UNC80: variants seen among roughly 807,000 people sequenced by gnomAD.
UNC80 encodes the protein unc-80 subunit of NALCN channel complex, also known as protein unc-80 homolog.
A neutral mutation model predicts 384.6 loss-of-function variants in UNC80; 164 were observed. That is an observed-to-expected ratio of 0.43 (90% CI 0.38 to 0.49). The LOEUF is 0.49. Among genes scored for constraint, UNC80 ranks in the 20% least tolerant of loss-of-function variants. The pLI is 0.00. For missense variants in UNC80, 3,330 were observed against 4,143.0 expected (o/e 0.80, Z 5.39); for synonymous variants, 1,486 against 1,527.8 (o/e 0.97, Z 0.64).
intron 28 of UNC80, among the ~76,000 whole-genome samples, chr2:209,899,392 G>A (rs2087138980): frequency 6.6e-6 from 1 of 152,132 alleles, no homozygotes; most frequent in South Asian, 2.1e-4. Context: ...TAGTAGGAGA[G>A]GTTGTCATGT....
intron 7 of UNC80, among the ~76,000 whole-genome samples, chr2:209,807,598 C>G (rs1458850882): frequency 6.6e-6 from 1 of 151,954 alleles, no homozygotes; most frequent in African/African-American, 2.4e-5. Context: ...CTCCTGACCT[C>G]GTGATCCGCC....
intron 29 of UNC80, among the ~76,000 whole-genome samples, chr2:209,908,935 GC>G (rs2124936304): frequency 6.6e-6 from 1 of 152,236 alleles, no homozygotes; most frequent in East Asian, 1.9e-4. Context: ...TTCTCAGAGA[GC>G]CCAGTAGGCT....
Position 209,973,089 on chromosome 2 carries a change from G to A in UNC80, c.8406G>A (p.Glu2802=). The A allele has an allele frequency of 6.4e-7, 1 of 1,551,578 alleles. No individual in the cohort carries two copies. The highest frequency in any genetic ancestry group is 1.4e-5 in the African/African-American group (1 of 73,132). The change falls in exon 56 of 65, where the codon GAG becomes GAA. Residue 2802 remains glutamate (E), a synonymous_variant. Coordinates refer to ENST00000673920, the MANE Select transcript of UNC80 (RefSeq NM_001371986.1). ...ATAGCCCATGGCTGGAGCAGCCTGA[G>A]GTGCAGCTGCTGCTGCAGACAGTCA... The part of the protein sequence containing the change: ...SKDSPWLEQP[E]VQLLLQTVIN...
At chr2:209,889,911 A>C (rs1334093057) in intron 26 of UNC80, among the ~76,000 whole-genome samples, 1 of 152,126 alleles carries the variant, frequency 6.6e-6, no homozygotes, top group African/African-American at 2.4e-5. Flanking sequence ...AGGTTTCACC[A>C]CTTTAGCAAG....
chr2:209,886,010 G>A (rs981163660), intron 25 of UNC80, among the ~76,000 whole-genome samples: 1 of 151,966 alleles, frequency 6.6e-6, no homozygotes, highest in Non-Finnish European at 1.5e-5. Flanking sequence ...TGATCGGCCT[G>A]CCTTGGCCTC....
In UNC80 at chr2:209,995,469, T is replaced by C. The variant is rs1339626779; in HGVS notation, c.9849T>C (p.His3283=). 5.8e-6 allele frequency: 9 copies of C among 1,551,862 alleles called. No individual in the cohort carries two copies. In the South Asian group the frequency reaches 8.3e-5, roughly 14 times the overall value. The change falls in exon 65 of 65, where the codon CAT becomes CAC. Residue 3283 remains histidine, a synonymous_variant. Transcript: ENST00000673920. ...TGLETSSLLQ[H]GDTVLHISEE... is the part of the protein sequence containing the mutation. The stretch of plus-strand genomic sequence containing the variant: ...TCGAGACATCCAGCCTCCTACAGCA[T>C]GGAGACACTGTCCTTCATATCAGTG...
chr2:209,845,763 AG>A (rs951258385), intron 21 of UNC80, among the ~76,000 whole-genome samples: 6 of 152,232 alleles, frequency 3.9e-5, no homozygotes, highest in African/African-American at 1.4e-4. Context: ...ATTATAAAAA[AG>A]ATATTCCTTT....
chr2:209,891,222 T>A (rs1040157803), intron 26 of UNC80, among the ~76,000 whole-genome samples: 11 of 152,150 alleles, frequency 7.2e-5, no homozygotes, highest in African/African-American at 2.7e-4. Flanking sequence ...ACAACATTTT[T>A]AAAATACAGA....
rs756716727 is a variant in UNC80 at position 209,994,066 on chromosome 2, G to C, written c.9510G>C (p.Ala3170=). 3 of 1,548,684 alleles carry C rather than the reference G, an allele frequency of 1.9e-6. No individual in the cohort carries two copies. The highest frequency in any genetic ancestry group is 2.6e-6 in the Non-Finnish European group (3 of 1,145,568). The change falls in exon 64 of 65, where the codon GCG becomes GCC. Residue 3170 remains alanine, a splice_region_variant and synonymous_variant. Coordinates refer to ENST00000673920, the MANE Select transcript of UNC80 (RefSeq NM_001371986.1). The part of the protein sequence containing the change: ...RSIQPKTKPS[A]DQKRSVTFIE... ...TTACTGTTTCACCTCTACCTGCAGC[G>C]GATCAGAAACGATCTGTGACCTTCA...
chr2:209,841,277 T>C (rs1337291975), intron 20 of UNC80, among the ~76,000 whole-genome samples: 1 of 152,218 alleles, frequency 6.6e-6, no homozygotes, highest in Admixed American at 6.5e-5. Flanking sequence ...TTGCATTCTT[T>C]TGTTTTCTAA....
At chr2:209,848,087 C>G (rs1184599009) in intron 21 of UNC80, among the ~76,000 whole-genome samples, 1 of 151,820 alleles carries the variant, frequency 6.6e-6, no homozygotes, top group African/African-American at 2.4e-5. Context: ...TAAAAAATAA[C>G]AGGAATTTAC....
chr2:209,931,694 C>T (rs2090888398), intron 38 of UNC80, among the ~76,000 whole-genome samples: 2 of 152,168 alleles, frequency 1.3e-5, no homozygotes, highest in East Asian at 1.9e-4. Context: ...ATATGCATCC[C>T]TAGCAGGGTG....
chr2:209,889,963 G>A (rs1314925403), intron 26 of UNC80, among the ~76,000 whole-genome samples: 3 of 151,914 alleles, frequency 2.0e-5, no homozygotes, highest in Non-Finnish European at 4.4e-5. Flanking sequence ...CACCTGCCTC[G>A]GCCTCCCAAC....
intron 52 of UNC80, chr2:209,968,983 G>A (rs956220702): frequency 6.6e-6 from 1 of 152,116 alleles, no homozygotes; most frequent in Non-Finnish European, 1.5e-5. Context: ...ATGTCACATA[G>A]CCTCATTTAT....
At chr2:209,971,129 G>T (rs558068215) in intron 54 of UNC80, among the ~76,000 whole-genome samples, 172 bp downstream of exon 54, 1 of 152,290 alleles carries the variant, frequency 6.6e-6, no homozygotes, top group South Asian at 2.1e-4. Context: ...GCCCTAAGTT[G>T]TGCTTCTGTA....
intron 47 of UNC80, among the ~76,000 whole-genome samples, chr2:209,948,362 T>A (rs1237809524): frequency 2.0e-5 from 3 of 152,164 alleles, no homozygotes; most frequent in African/African-American, 7.2e-5. Context: ...TTATTTTAGC[T>A]ATTTTGTTGG....
chr2:209,838,701 C>T (rs1032183449), intron 18 of UNC80, among the ~76,000 whole-genome samples: 53 of 152,196 alleles, frequency 3.5e-4, no homozygotes, highest in African/African-American at 1.0e-3. Flanking sequence ...GTGGCTCATG[C>T]CTGTAATCCC....
At position 209,970,815 on chromosome 2, in the gene UNC80, C is replaced by T. The variant is rs2092863356; in HGVS notation, c.8131-17C>T. The T allele has an allele frequency of 6.4e-7, 1 of 1,550,498 alleles. No individual in the cohort carries two copies. Among genetic ancestry groups the T allele is most frequent in the Non-Finnish European group, 8.7e-7 (1 of 1,146,490 alleles). On this transcript the variant is annotated splice_polypyrimidine_tract_variant and intron_variant, in intron 53 of 64. Transcript: ENST00000673920. The stretch of plus-strand genomic sequence containing the variant: ...TGCAATAGTCAAGGCTGGTCATGTG[C>T]TCTGTTTGTATTTCAGGTGATGGGA...
At chr2:209,953,644 C>A (rs2092291072) in intron 47 of UNC80, among the ~76,000 whole-genome samples, 1 of 151,928 alleles carries the variant, frequency 6.6e-6, no homozygotes, top group Non-Finnish European at 1.5e-5. Context: ...CTGTTTCCAA[C>A]ATTTGTTGCT....
Sources: allele counts gnomAD v4.1 joint callset (sites outside exome capture counted in the v4.1 genomes callset), GRCh38; gene constraint gnomAD v4.1.1; transcripts MANE v1.5; gene names NCBI Gene and HGNC (gene_info 2026-07-23, HGNC 2026-07-21).